The following RPS6KA2 variants were observed in gnomAD, a reference collection of about 807,000 sequenced individuals.
The protein encoded by RPS6KA2 is ribosomal protein S6 kinase alpha-2.
RPS6KA2 carries 42 observed loss-of-function variants against 91.8 expected under a neutral mutation model. That is an observed-to-expected ratio of 0.46 (90% CI 0.36 to 0.59). RPS6KA2 has a LOEUF of 0.59. Ranked by LOEUF, RPS6KA2 falls within the 20% of genes least tolerant of loss-of-function variation. The pLI, the probability that RPS6KA2 is intolerant of heterozygous loss-of-function variation, is 0.00. For synonymous variants in RPS6KA2, 414 were observed against 393.6 expected, an observed-to-expected ratio of 1.05 and a Z score of -0.61; for missense variants, 798 against 978.5, an observed-to-expected ratio of 0.82 and a Z score of 2.46.
At chr6:166,663,940 A>G (rs569422204) in intron 2 of RPS6KA2, among the ~76,000 whole-genome samples, 1 of 152,360 alleles carries the variant, frequency 6.6e-6, no homozygotes, top group Non-Finnish European at 1.5e-5. Flanking sequence ...TCCACAAACC[A>G]CTTAGACTTG....
chr6:166,853,570 A>G (rs1780803122), intron 2 of RPS6KA2, among the ~76,000 whole-genome samples: 1 of 152,156 alleles, frequency 6.6e-6, no homozygotes. Context: ...AGCAGCTCAG[A>G]GGAGGCTGGC....
intron 1 of RPS6KA2, among the ~76,000 whole-genome samples, chr6:166,624,542 G>C (rs1420786592): frequency 6.6e-6 from 1 of 152,176 alleles, no homozygotes; most frequent in Non-Finnish European, 1.5e-5. Flanking sequence ...GGGGCACAAA[G>C]TCAGCTGCTT....
chr6:166,428,395 C>G (rs1319327144), intron 16 of RPS6KA2, among the ~76,000 whole-genome samples: 1 of 142,996 alleles, frequency 7.0e-6, no homozygotes, highest in Non-Finnish European at 1.5e-5. Context: ...TAGGCATGGG[C>G]AAGGACTTCA....
At chr6:166,478,074 C>T (rs536816962) in intron 10 of RPS6KA2, among the ~76,000 whole-genome samples, 1 of 152,302 alleles carries the variant, frequency 6.6e-6, no homozygotes, top group South Asian at 2.1e-4. Context: ...GGAGGCCAAG[C>T]AGGGGAGGGG....
rs1204141327 is a variant in RPS6KA2 at position 166,498,561 on chromosome 6, T to A, written c.694A>T (p.Asn232Tyr). The A allele has an allele frequency of 1.2e-6, 2 of 1,613,894 alleles. No homozygotes were observed. Among genetic ancestry groups the A allele is most frequent in the Admixed American group, 3.3e-5 (2 of 59,970 alleles). ...GCACTCTGCGTGTGTCCTCGCCGGTTCACCACCTCGGGCGCCATGTACTCG... is the reference window on the plus strand; with the variant it reads ...GCACTCTGCGTGTGTCCTCGCCGGTACACCACCTCGGGCGCCATGTACTCG... Reference protein sequence around the residue: ...TIEYMAPEVVNRRGHTQSADW... With the variant: ...TIEYMAPEVVYRRGHTQSADW... Residue 232 changes from asparagine (N) to tyrosine (Y), a missense_variant, in exon 8 of 21, where the codon AAC (asparagine) becomes TAC (tyrosine). Asn to Tyr is a moderately radical substitution (Grantham distance 143, BLOSUM62 -2). Transcript: ENST00000265678.
chr6:166,427,479 G>T (rs1373265990), intron 16 of RPS6KA2, among the ~76,000 whole-genome samples: 2 of 151,744 alleles, frequency 1.3e-5, no homozygotes, highest in Non-Finnish European at 3.0e-5. Context: ...AGGAAATAAA[G>T]GGTATTCAAT....
rs9459692 is a variant in RPS6KA2, at chr6:166,550,821, T to A, written c.100-12037A>T. Among the ~76,000 whole-genome samples the A allele has an allele frequency of 1.5e-4, 23 of 151,624 alleles. 1 individual carries two copies. In the East Asian group the frequency reaches 4.1e-3, roughly 27 times the overall value. Reference sequence around the variant, plus strand: ...ATCGACACCATCCTGGCTAACACGGTGAAACCCCGTCTCTACTAAAATACA... The same window carrying A: ...ATCGACACCATCCTGGCTAACACGGAGAAACCCCGTCTCTACTAAAATACA... On this transcript the variant is annotated intron_variant, in intron 1 of 20. Coordinates refer to ENST00000265678, the MANE Select transcript of RPS6KA2 (RefSeq NM_021135.6).
intron 11 of RPS6KA2, among the ~76,000 whole-genome samples, chr6:166,460,395 C>G (rs1019479869): frequency 6.6e-6 from 1 of 152,192 alleles, no homozygotes; most frequent in African/African-American, 2.4e-5. Flanking sequence ...ACACAGGTAC[C>G]TGGAACCTGG....
chr6:166,577,489 A>G (rs1262785804), intron 1 of RPS6KA2, among the ~76,000 whole-genome samples: 6 of 152,228 alleles, frequency 3.9e-5, no homozygotes, highest in Non-Finnish European at 2.9e-5. Context: ...CCCGGAAGTG[A>G]GATGTGGAGT....
At chr6:166,840,694 C>T (rs1038871348) in intron 2 of RPS6KA2, among the ~76,000 whole-genome samples, 1 of 152,166 alleles carries the variant, frequency 6.6e-6, no homozygotes, top group South Asian at 2.1e-4. Flanking sequence ...AAAGCTGGGC[C>T]GGGCGTGGTG....
intron 1 of RPS6KA2, among the ~76,000 whole-genome samples, chr6:166,550,871 G>C (rs542427273): frequency 1.3e-5 from 2 of 151,822 alleles, no homozygotes; most frequent in African/African-American, 2.4e-5. Flanking sequence ...CGTGGTGGCG[G>C]GCGCCTGTAG....
chr6:166,599,579 G>A (rs1309399659), intron 1 of RPS6KA2, among the ~76,000 whole-genome samples: 2 of 152,210 alleles, frequency 1.3e-5, no homozygotes, highest in East Asian at 1.9e-4. Flanking sequence ...ACACGGGGAA[G>A]ACAGCAGGTC....
At chr6:166,722,421 T>C (rs1441382141) in intron 2 of RPS6KA2, among the ~76,000 whole-genome samples, 3 of 152,210 alleles carry the variant, frequency 2.0e-5, no homozygotes, top group African/African-American at 7.2e-5. Flanking sequence ...AGGGCTCCCC[T>C]TATCTTATTG....
Position 166,423,292 on chromosome 6 carries a change from C to CA in RPS6KA2, c.1706dup (p.Met569IlefsTer21), listed in dbSNP as rs1562483807. The CA allele has an allele frequency of 6.2e-7, 1 of 1,613,906 alleles. No individual in the cohort carries two copies. ...CGAAATTGGCCGTGTAGCAGGGTGT[C>CA]ATGAGCAGCCCGTTCCCCGCGCGCA... On this transcript the variant is annotated frameshift_variant, in exon 17 of 21. Transcript: ENST00000265678. LOFTEE classifies it high-confidence loss of function. The surrounding 1 kb of genome is among the most constrained non-coding windows in gnomAD (Gnocchi z 4.8).
intron 16 of RPS6KA2, among the ~76,000 whole-genome samples, chr6:166,425,954 A>G (rs1346333203): frequency 1.3e-5 from 2 of 152,206 alleles, no homozygotes; most frequent in East Asian, 3.9e-4. Flanking sequence ...AAGCAGACCT[A>G]ATAGACATCT....
intron 2 of RPS6KA2, among the ~76,000 whole-genome samples, chr6:166,768,209 C>G (rs1008390500): frequency 2.6e-5 from 4 of 152,222 alleles, no homozygotes; most frequent in African/African-American, 4.8e-5. Context: ...AAGCTCCCCC[C>G]GTTCTGGTTG....
chr6:166,527,251 G>A (rs1028316220), intron 3 of RPS6KA2, among the ~76,000 whole-genome samples: 4 of 152,148 alleles, frequency 2.6e-5, no homozygotes, highest in African/African-American at 4.8e-5. Context: ...CTTCAGTGGC[G>A]GGGGAGGGTG....
chr6:166,757,705 C>T, intron 2 of RPS6KA2: 1 of 421,160 alleles, frequency 2.4e-6, no homozygotes, highest in Non-Finnish European at 4.8e-6. Context: ...AGCCACCCCG[C>T]ACACCTCCTC....
chr6:166,855,534 T>C (rs890116022), intron 2 of RPS6KA2, among the ~76,000 whole-genome samples: 5 of 152,136 alleles, frequency 3.3e-5, no homozygotes, highest in Non-Finnish European at 7.4e-5. Context: ...GGTTTTGTGA[T>C]TGTGGTTCAG....
Sources: allele counts gnomAD v4.1 joint callset (sites outside exome capture counted in the v4.1 genomes callset), GRCh38; gene constraint gnomAD v4.1.1; non-coding constraint Gnocchi (gnomAD v3.1); transcripts MANE v1.5; gene names NCBI Gene and HGNC (gene_info 2026-07-23, HGNC 2026-07-21).